Variants in FGF14 observed in about 807,000 individuals in gnomAD.
FGF14 encodes fibroblast growth factor 14, also known as fibroblast growth factor homologous factor 4.
In FGF14, 5 loss-of-function variants were observed where a neutral mutation model predicts 25.5. The ratio of observed to expected loss-of-function variants is 0.20; its 90% CI spans 0.10 to 0.41. The LOEUF is 0.41. Among genes scored for constraint, FGF14 ranks in the 10% least tolerant of loss-of-function variants. FGF14 has a pLI of 1.00. For missense variants in FGF14, 222 were observed against 320.1 expected (o/e 0.69, Z 2.34); for synonymous variants, 138 against 118.3 (o/e 1.17, Z -1.08).
chr13:102,232,873 T>C (rs2051145147), intron 1 of FGF14, among the ~76,000 whole-genome samples: 1 of 152,146 alleles, frequency 6.6e-6, no homozygotes, highest in Non-Finnish European at 1.5e-5. Flanking sequence ...AAGTAGTAGT[T>C]TTATCTTGAA....
upstream of FGF14, among the ~76,000 whole-genome samples, chr13:101,918,315 G>A (rs2033730110): frequency 6.6e-6 from 1 of 152,126 alleles, no homozygotes; most frequent in Non-Finnish European, 1.5e-5. Context: ...TCTGGCTCCG[G>A]GCTTCTTACT....
At chr13:101,874,541 G>C (rs551934200) in intron 2 of FGF14, among the ~76,000 whole-genome samples, 33 of 152,208 alleles carry the variant, frequency 2.2e-4, no homozygotes, top group South Asian at 2.1e-3. Flanking sequence ...AGAGGCACCA[G>C]ACGGAGAAAT....
chr13:101,980,264 G>A (rs2038166754), intron 1 of FGF14, among the ~76,000 whole-genome samples: 1 of 151,778 alleles, frequency 6.6e-6, no homozygotes, highest in Non-Finnish European at 1.5e-5. Context: ...AAAAATTATA[G>A]ATAAAGGCTA....
intron 3 of FGF14, among the ~76,000 whole-genome samples, chr13:101,812,626 TATATATATATATATATA>T (rs2041589803): frequency 2.0e-4 from 2 of 9,866 alleles, no homozygotes; most frequent in Admixed American, 8.8e-4. Flanking sequence ...TATATATATA[TATATATATATATATATA>T]TATATATATA....
intron 3 of FGF14, among the ~76,000 whole-genome samples, chr13:101,813,165 C>G (rs188359807): frequency 1.3e-5 from 2 of 152,174 alleles, no homozygotes; most frequent in East Asian, 1.9e-4. Context: ...CCCAAAGAAC[C>G]CTTACCTGCA....
intron 1 of FGF14, among the ~76,000 whole-genome samples, chr13:101,961,675 T>C (rs998300986): frequency 6.6e-6 from 1 of 152,180 alleles, no homozygotes; most frequent in African/African-American, 2.4e-5. Context: ...GTTCTCATGA[T>C]AGTGAATGAG....
chr13:102,045,475 T>C (rs1484277878), intron 1 of FGF14, among the ~76,000 whole-genome samples: 1 of 152,072 alleles, frequency 6.6e-6, no homozygotes, highest in Non-Finnish European at 1.5e-5. Context: ...AAAGAAACCA[T>C]CAGGACAACT....
At chr13:102,187,816 C>T (rs1393664654) in intron 1 of FGF14, among the ~76,000 whole-genome samples, 1 of 152,130 alleles carries the variant, frequency 6.6e-6, no homozygotes, top group Non-Finnish European at 1.5e-5. Flanking sequence ...GGCCCTTTTC[C>T]GCTATCAATT....
intron 1 of FGF14, among the ~76,000 whole-genome samples, chr13:102,096,842 C>T (rs550942140): frequency 6.6e-6 from 1 of 152,238 alleles, no homozygotes; most frequent in Admixed American, 6.5e-5. Flanking sequence ...TAAGCTAGGA[C>T]CTTGCTTGAA....
chr13:102,365,234 C>CCA (rs145216748), intron 1 of FGF14, among the ~76,000 whole-genome samples: 18 of 151,336 alleles, frequency 1.2e-4, no homozygotes, highest in East Asian at 9.7e-4. Flanking sequence ...TCGGGAAAGT[C>CCA]CACACACACA....
At chr13:101,971,292 A>G (rs923565095) in intron 1 of FGF14, among the ~76,000 whole-genome samples, 3 of 152,194 alleles carry the variant, frequency 2.0e-5, no homozygotes, top group Non-Finnish European at 2.9e-5. Flanking sequence ...TCTCAGGGAA[A>G]AAGTGGGGAT....
In FGF14 at chr13:101,713,373, A is replaced by C. The variant is rs577946929; in HGVS notation, c.*9458T>G. ...TTTTCAATATATTTTGAACTTACCAATTCTGCAGTTTTGTTAAATATGTCA... is the reference window on the plus strand; with the variant it reads ...TTTTCAATATATTTTGAACTTACCACTTCTGCAGTTTTGTTAAATATGTCA... On this transcript the variant is annotated 3_prime_UTR_variant, in exon 5 of 5. Transcript: ENST00000376143. 6.6e-5 allele frequency: 10 copies of C among 152,252 alleles called. No individual in the cohort carries two copies. The highest frequency in any genetic ancestry group is 1.9e-4 in the African/African-American group (8 of 41,550). 9.4% of individuals were successfully genotyped at this position (152,252 alleles called of 1,614,324 possible).
At chr13:102,161,575 A>ACCTCT (rs1158303272) in intron 1 of FGF14, among the ~76,000 whole-genome samples, 1 of 5,476 alleles carries the variant, frequency 1.8e-4, no homozygotes. Flanking sequence ...TGAAGAAAGA[A>ACCTCT]AGAAGAAGAA....
intron 1 of FGF14, among the ~76,000 whole-genome samples, chr13:101,910,757 A>C (rs529515575): frequency 7.3e-5 from 11 of 151,712 alleles, no homozygotes; most frequent in African/African-American, 9.7e-5. Flanking sequence ...CTATGAAATT[A>C]GTTGTTTTCT....
chr13:101,717,947 A>G lies in FGF14; in HGVS notation c.*4884T>C, dbSNP rs2034788670. On this transcript the variant is annotated 3_prime_UTR_variant, in exon 5 of 5. Coordinates refer to ENST00000376143, the MANE Select transcript of FGF14 (RefSeq NM_004115.4). ...GCTGCTCTTTTTCATAGTCTCATGTAAGAAGAGTGTCAAAAATGTCCTCGG... is the reference window on the plus strand; with the variant it reads ...GCTGCTCTTTTTCATAGTCTCATGTGAGAAGAGTGTCAAAAATGTCCTCGG... 6.6e-6 allele frequency: 1 copy of G among 152,182 alleles called. No individual in the cohort carries two copies. The highest frequency in any genetic ancestry group is 2.4e-5 in the African/African-American group (1 of 41,448). The allele number at this position is 152,182 out of a possible 1,614,324, so 9.4% of individuals were successfully genotyped here. A position where few individuals can be genotyped will look rare whatever the true frequency, so the allele number is the denominator to read the frequency against.
At chr13:102,004,559 T>A (rs2039678691) in intron 1 of FGF14, among the ~76,000 whole-genome samples, 1 of 152,206 alleles carries the variant, frequency 6.6e-6, no homozygotes, top group African/African-American at 2.4e-5. Context: ...CTAGTTATAG[T>A]CCCTCGATGC....
rs2047748747 is a variant in FGF14, at chr13:102,161,667, GAAGAAGAA to G, written c.208+239796_208+239803del. Among the ~76,000 whole-genome samples, 2 of 48,960 alleles carry G rather than the reference GAAGAAGAA, an allele frequency of 4.1e-5. 1 individual carries two copies. The highest frequency in any genetic ancestry group is 1.4e-4 in the African/African-American group (2 of 14,542). 32.1% of individuals were successfully genotyped at this position (48,960 alleles called of 152,430 possible). Reference sequence around the variant, plus strand: ...AGAAGAAGAAGAAGAAGAAGAAGAAGAAGAAGAAGAAGAAGAAGAAGAAGAAGAAGAAG... The same window carrying G: ...AGAAGAAGAAGAAGAAGAAGAAGAAGGAAGAAGAAGAAGAAGAAGAAGAAG... On this transcript the variant is annotated intron_variant, in intron 1 of 4. Transcript: ENST00000376131.
At position 101,852,906 on chromosome 13, in the gene FGF14, C is replaced by T. The variant is rs111329546; in HGVS notation, c.408+15819G>A. Among the ~76,000 whole-genome samples, 114 of 152,160 alleles carry T rather than the reference C, an allele frequency of 7.5e-4. 1 individual carries two copies. Among genetic ancestry groups the T allele is most frequent in the Middle Eastern group, 3.4e-3 (1 of 294 alleles). On this transcript the variant is annotated intron_variant, in intron 3 of 4. Transcript: ENST00000376143. ...TTTCATTTAGGTCACTATTTAAATA[C>T]CAGCAATTGAAGCAAATTCCACCCT...
chr13:101,935,502 C>G (rs1311265798), intron 1 of FGF14, among the ~76,000 whole-genome samples: 1 of 152,188 alleles, frequency 6.6e-6, no homozygotes, highest in Non-Finnish European at 1.5e-5. Context: ...TTCTCCCATG[C>G]TGTTCTCATG....
Sources: allele counts gnomAD v4.1 joint callset (sites outside exome capture counted in the v4.1 genomes callset), GRCh38; gene constraint gnomAD v4.1.1; transcripts MANE v1.5; gene names NCBI Gene and HGNC (gene_info 2026-07-23, HGNC 2026-07-21).